The following ANO3 variants were observed in gnomAD, a reference collection of about 807,000 sequenced individuals.
ANO3 encodes anoctamin 3, also known as anoctamin-3.
ANO3 carries 99 observed loss-of-function variants against 144.8 expected under a neutral mutation model. The ratio of observed to expected loss-of-function variants is 0.68; its 90% CI spans 0.58 to 0.81. ANO3 has a LOEUF of 0.81. Among genes scored for constraint, ANO3 ranks in the 30% least tolerant of loss-of-function variants. ANO3 has a pLI of 0.00. For synonymous variants in ANO3, 414 were observed against 392.6 expected, an observed-to-expected ratio of 1.05 and a Z score of -0.64; for missense variants, 905 against 1,202.2, an observed-to-expected ratio of 0.75 and a Z score of 3.66.
chr11:26,551,792 A>T (rs182681088), intron 12 of ANO3, among the ~76,000 whole-genome samples: 8 of 152,068 alleles, frequency 5.3e-5, no homozygotes. Flanking sequence ...GAGGAGATAT[A>T]ATCTTCTCTT....
chr11:26,427,875 G>A (rs145990668), intron 1 of ANO3, among the ~76,000 whole-genome samples: 139 of 152,274 alleles, frequency 9.1e-4, no homozygotes, highest in African/African-American at 3.2e-3. Flanking sequence ...AATGCAGACT[G>A]AAGCAGTGAG....
chr11:26,375,733 G>GA lies in ANO3; in HGVS notation c.46+43418dup, dbSNP rs536052403. 2.6e-3 allele frequency among the ~76,000 whole-genome samples: 392 copies of GA among 152,208 alleles called. 1 individual carries two copies. The highest frequency in any genetic ancestry group is 4.8e-3 in the Non-Finnish European group (328 of 68,012). ...GATATATATGCATGAGGCAATAAGA[G>GA]AAAAAATCCAACAGCAATATAATTG... On this transcript the variant is annotated intron_variant, in intron 1 of 26. Coordinates refer to ENST00000256737, the MANE Select transcript of ANO3 (RefSeq NM_031418.4).
intron 1 of ANO3, among the ~76,000 whole-genome samples, chr11:26,385,893 G>GTTTATATATATATATATATATA (rs1183332896): frequency 3.5e-5 from 5 of 143,694 alleles, no homozygotes. Flanking sequence ...CTTTGTGTGT[G>GTTTATATATATATATATATATA]TATATATATT....
chr11:26,308,143 T>C (rs748445488), upstream of ANO3, among the ~76,000 whole-genome samples: 1 of 152,210 alleles, frequency 6.6e-6, no homozygotes, highest in Non-Finnish European at 1.5e-5. Context: ...GATGGCACAA[T>C]TGGCAAATCT....
chr11:26,660,493 ATGGCAACTT>A lies in ANO3; in HGVS notation c.*52_*60del. On this transcript the variant is annotated 3_prime_UTR_variant, in exon 27 of 27. Transcript: ENST00000256737. Reference sequence around the variant, plus strand: ...GTGATAACATTAATGGGAAGAAATGATGGCAACTTTGAATGCTAGGTGAAATCTAGGAGG... The same window carrying A: ...GTGATAACATTAATGGGAAGAAATGATGAATGCTAGGTGAAATCTAGGAGG... 1 of 1,520,248 alleles carries A rather than the reference ATGGCAACTT, an allele frequency of 6.6e-7. No individual in the cohort carries two copies. The highest frequency in any genetic ancestry group is 8.8e-7 in the Non-Finnish European group (1 of 1,131,884). The allele number at this position is 1,520,248 out of a possible 1,614,324, so 94.2% of individuals were successfully genotyped here.
At chr11:26,472,014 A>G (rs1859801803) in intron 4 of ANO3, among the ~76,000 whole-genome samples, 1 of 152,006 alleles carries the variant, frequency 6.6e-6, no homozygotes, top group African/African-American at 2.4e-5. Context: ...CTCTGCAAAA[A>G]AAGTATACAT....
At chr11:26,346,478 A>G (rs551312042) in intron 1 of ANO3, among the ~76,000 whole-genome samples, 1 of 152,304 alleles carries the variant, frequency 6.6e-6, no homozygotes, top group African/African-American at 2.4e-5. Context: ...ATTGCATGCT[A>G]TTCTAAACCA....
rs537532138 is a variant in ANO3 at position 26,403,057 on chromosome 11, T to C, written c.47-38861T>C. ...CGATGGACCACTTAAATGTGTTTTG[T>C]TTCGTTTTGTTTTTGTATACTTACC... is the stretch of plus-strand genomic sequence containing the variant. On this transcript the variant is annotated intron_variant, in intron 1 of 26. Transcript: ENST00000256737. Among the ~76,000 whole-genome samples the C allele has an allele frequency of 4.3e-4, 66 of 152,046 alleles. No homozygotes were observed. The South Asian group carries it at 0.014, about 32-fold the overall frequency.
intron 4 of ANO3, among the ~76,000 whole-genome samples, chr11:26,494,998 A>G (rs963051585): frequency 1.3e-5 from 2 of 152,204 alleles, no homozygotes; most frequent in Non-Finnish European, 2.9e-5. Flanking sequence ...GCCTATAAAA[A>G]TGGAAATAGC....
chr11:26,362,825 C>A (rs1009924084), intron 1 of ANO3, among the ~76,000 whole-genome samples: 1 of 152,086 alleles, frequency 6.6e-6, no homozygotes, highest in Non-Finnish European at 1.5e-5. Flanking sequence ...TATATACCTT[C>A]TTTATAATTT....
intron 1 of ANO3, among the ~76,000 whole-genome samples, chr11:26,296,285 A>G (rs892955092): frequency 2.0e-5 from 3 of 152,206 alleles, no homozygotes; most frequent in Admixed American, 1.3e-4. Flanking sequence ...TTTTTTATCA[A>G]TCTCCAAATT....
chr11:26,461,908 A>T (rs952253151), intron 3 of ANO3, among the ~76,000 whole-genome samples: 1 of 151,992 alleles, frequency 6.6e-6, no homozygotes, highest in African/African-American at 2.4e-5. Flanking sequence ...TTAACCATCA[A>T]TGAGTTAGGT....
At chr11:26,451,131 C>T (rs139220526) in intron 3 of ANO3, among the ~76,000 whole-genome samples, 43 of 152,230 alleles carry the variant, frequency 2.8e-4, no homozygotes, top group African/African-American at 9.9e-4. Flanking sequence ...GGAACCACTC[C>T]GGTCTACAGA....
rs1186874730 is a variant in ANO3, at chr11:26,397,439, CA to C, written c.47-44478del. Among the ~76,000 whole-genome samples, 3 of 152,038 alleles carry C rather than the reference CA, an allele frequency of 2.0e-5. No homozygotes were observed. In the South Asian group the frequency reaches 6.2e-4, roughly 32 times the overall value. On this transcript the variant is annotated intron_variant, in intron 1 of 26. Coordinates refer to ENST00000256737, the MANE Select transcript of ANO3 (RefSeq NM_031418.4). Reference sequence around the variant, plus strand: ...GAAATAAATCAAAACACTGGAATAACAGAATTTCAAGACTGCTCTGAGAAAG... The same window carrying C: ...GAAATAAATCAAAACACTGGAATAACGAATTTCAAGACTGCTCTGAGAAAG...
rs564023813 is a variant in ANO3 at position 26,235,116 on chromosome 11, G to A, written c.154+45786G>A. Among the ~76,000 whole-genome samples, 12 of 152,156 alleles carry A rather than the reference G, an allele frequency of 7.9e-5. No homozygotes were observed. In the East Asian group the frequency reaches 2.1e-3, roughly 27 times the overall value. The stretch of plus-strand genomic sequence containing the variant: ...GATTTCTAGATGCCACCCATATTGT[G>A]GAGGTCCATATACTTTACTCAGTCC... On this transcript the variant is annotated intron_variant, in intron 1 of 27. Transcript: ENST00000672621.
intron 1 of ANO3, among the ~76,000 whole-genome samples, chr11:26,384,425 G>A (rs147205224): frequency 3.1e-4 from 47 of 152,268 alleles, no homozygotes; most frequent in Non-Finnish European, 6.3e-4. Context: ...TTAGCTCCGA[G>A]ATGAGCTCAA....
At chr11:26,638,617 T>C (rs1853044255) in intron 20 of ANO3, among the ~76,000 whole-genome samples, 1 of 152,232 alleles carries the variant, frequency 6.6e-6, no homozygotes, top group Non-Finnish European at 1.5e-5. Flanking sequence ...CTAATTGTAA[T>C]CTACTAATAT....
At chr11:26,613,545 C>A (rs925237) in intron 17 of ANO3, among the ~76,000 whole-genome samples, 67,070 of 151,918 alleles carry the variant, frequency 0.44, 15,681 homozygotes, top group East Asian at 0.68. Flanking sequence ...TGGAGGTATC[C>A]TATTTTCTTG....
chr11:26,619,697 C>T (rs1328065825), intron 17 of ANO3, among the ~76,000 whole-genome samples: 1 of 152,104 alleles, frequency 6.6e-6, no homozygotes, highest in Non-Finnish European at 1.5e-5. Flanking sequence ...AAACTCCTGA[C>T]CTCAAGAGAT....
Sources: allele counts gnomAD v4.1 joint callset (sites outside exome capture counted in the v4.1 genomes callset), GRCh38; gene constraint gnomAD v4.1.1; transcripts MANE v1.5; gene names NCBI Gene and HGNC (gene_info 2026-07-23, HGNC 2026-07-21).